The following DGKI variants were observed in gnomAD, a reference collection of about 807,000 sequenced individuals.
DGKI encodes the protein diacylglycerol kinase iota, also known as DAG kinase iota.
A neutral mutation model predicts 147.5 loss-of-function variants in DGKI; 55 were observed. That is an observed-to-expected ratio of 0.37 (90% CI 0.30 to 0.47). DGKI has a LOEUF of 0.47. Ranked by LOEUF, DGKI falls within the 20% of genes least tolerant of loss-of-function variation. The probability of loss-of-function intolerance (pLI) is 1.00; values close to 1 mark genes in which losing one functional copy is unlikely to be tolerated. For missense variants in DGKI, 1,007 were observed against 1,323.8 expected (o/e 0.76, Z 3.71); for synonymous variants, 469 against 477.1 (o/e 0.98, Z 0.22).
At chr7:137,595,047 C>T (rs549671489) in intron 12 of DGKI, among the ~76,000 whole-genome samples, 3 of 152,214 alleles carry the variant, frequency 2.0e-5, no homozygotes, top group African/African-American at 7.2e-5. Flanking sequence ...ATGACTAGTA[C>T]ATTTGTGAAT....
At chr7:137,730,778 G>A (rs541767956) in intron 1 of DGKI, among the ~76,000 whole-genome samples, 19 of 152,068 alleles carry the variant, frequency 1.2e-4, no homozygotes, top group African/African-American at 3.9e-4. Context: ...CACTCCCCAC[G>A]TTAAAAATCC....
intron 27 of DGKI, among the ~76,000 whole-genome samples, chr7:137,446,210 T>G (rs1241033585): frequency 6.6e-6 from 1 of 152,246 alleles, no homozygotes; most frequent in Non-Finnish European, 1.5e-5. Context: ...ATATTAAATC[T>G]GAAAAATTCC....
intron 2 of DGKI, among the ~76,000 whole-genome samples, chr7:137,684,244 T>C (rs976820501): frequency 2.0e-5 from 3 of 152,358 alleles, no homozygotes; most frequent in African/African-American, 4.8e-5. Flanking sequence ...TAGCACTAAC[T>C]GAGATGTGCT....
At chr7:137,475,260 G>A (rs1815130135) in intron 23 of DGKI, among the ~76,000 whole-genome samples, 1 of 152,170 alleles carries the variant, frequency 6.6e-6, no homozygotes, top group Non-Finnish European at 1.5e-5. Context: ...ACACAAAACA[G>A]AGTGGCTTTA....
chr7:137,451,767 T>A (rs79355238), intron 27 of DGKI, among the ~76,000 whole-genome samples: 4,729 of 152,328 alleles, frequency 0.031, 285 homozygotes, highest in African/African-American at 0.11. Context: ...TGATCAAAAC[T>A]TACAAGCTGA....
chr7:137,714,056 C>T (rs1437068518), intron 1 of DGKI, among the ~76,000 whole-genome samples: 1 of 152,218 alleles, frequency 6.6e-6, no homozygotes, highest in Non-Finnish European at 1.5e-5. Context: ...TTTATAGGAT[C>T]TCTTACTATC....
intron 1 of DGKI, among the ~76,000 whole-genome samples, chr7:137,746,536 G>T (rs1250920402): frequency 1.3e-5 from 2 of 152,138 alleles, no homozygotes; most frequent in East Asian, 3.9e-4. Context: ...CATCCTGGGA[G>T]GAAGTAATCC....
rs1305998693 is a variant in DGKI, at chr7:137,390,117, A to T, written c.*1103T>A. On this transcript the variant is annotated 3_prime_UTR_variant, in exon 33 of 33. Transcript: ENST00000614521. Reference sequence around the variant, plus strand: ...CTATAGTTATTAGCCTCTGTGCAACATTCCAATGACTGTTTCCTATTTCAG... The same window carrying T: ...CTATAGTTATTAGCCTCTGTGCAACTTTCCAATGACTGTTTCCTATTTCAG... 1 of 152,180 alleles carries T rather than the reference A, an allele frequency of 6.6e-6. No homozygotes were observed. The highest frequency in any genetic ancestry group is 2.4e-5 in the African/African-American group (1 of 41,444). 9.4% of individuals were successfully genotyped at this position (152,180 alleles called of 1,614,324 possible). A position where few individuals can be genotyped will look rare whatever the true frequency, so the allele number is the denominator to read the frequency against.
chr7:137,701,842 A>G (rs968917579), intron 1 of DGKI, among the ~76,000 whole-genome samples: 1 of 152,176 alleles, frequency 6.6e-6, no homozygotes, highest in Non-Finnish European at 1.5e-5. Context: ...TAAAAAAAAC[A>G]TAAAATAGCC....
rs1811071870 is a variant in DGKI at position 137,381,976 on chromosome 7, G to A, written c.*9244C>T. On this transcript the variant is annotated 3_prime_UTR_variant, in exon 33 of 33. Coordinates refer to ENST00000614521, the MANE Select transcript of DGKI (RefSeq NM_001321708.2). Reference sequence around the variant, plus strand: ...TTAGAGTCTCAATCCAACCAATGATGGGTGGGGAGAGTGGCGAATAAAAAT... The same window carrying A: ...TTAGAGTCTCAATCCAACCAATGATAGGTGGGGAGAGTGGCGAATAAAAAT... 6.6e-6 allele frequency: 1 copy of A among 152,050 alleles called. No individual in the cohort carries two copies. The highest frequency in any genetic ancestry group is 2.1e-4 in the South Asian group (1 of 4,830). 9.4% of individuals were successfully genotyped at this position (152,050 alleles called of 1,614,324 possible). A position where few individuals can be genotyped will look rare whatever the true frequency, so the allele number is the denominator to read the frequency against.
rs78041873 is a variant in DGKI, at chr7:137,627,813, C to T, written c.805-4259G>A. Among the ~76,000 whole-genome samples, 20 of 152,290 alleles carry T rather than the reference C, an allele frequency of 1.3e-4. No individual in the cohort carries two copies. In the East Asian group the frequency reaches 1.9e-3, roughly 15 times the overall value. On this transcript the variant is annotated intron_variant, in intron 6 of 32. Coordinates refer to ENST00000614521, the MANE Select transcript of DGKI (RefSeq NM_001321708.2). ...GCATGAAACAAAAGCTGAGGAGAGA[C>T]GGCAAAGCTCAGAACCATTCTTGGA...
At chr7:137,761,311 T>TA (rs1795849342) in intron 1 of DGKI, among the ~76,000 whole-genome samples, 2 of 152,228 alleles carry the variant, frequency 1.3e-5, no homozygotes, top group Non-Finnish European at 2.9e-5. Flanking sequence ...TTCATTTATG[T>TA]TCAAATCTTG....
chr7:137,543,609 A>G (rs1817771245), intron 20 of DGKI, among the ~76,000 whole-genome samples: 1 of 152,194 alleles, frequency 6.6e-6, no homozygotes, highest in Non-Finnish European at 1.5e-5. Flanking sequence ...CAGCATAAAG[A>G]GAGGGTTCAC....
rs556008119 is a variant in DGKI, at chr7:137,627,033, G to A, written c.805-3479C>T. Among the ~76,000 whole-genome samples the A allele has an allele frequency of 4.6e-5, 7 of 152,154 alleles. No individual in the cohort carries two copies. In the East Asian group the frequency reaches 7.7e-4, roughly 17 times the overall value. On this transcript the variant is annotated intron_variant, in intron 6 of 32. Coordinates refer to ENST00000614521, the MANE Select transcript of DGKI (RefSeq NM_001321708.2). The stretch of plus-strand genomic sequence containing the variant: ...TCCTTTGCATTATAAATTCCTGTCC[G>A]CAGTGAGACAGGTCTACTCATATCC...
chr7:137,677,465 C>G (rs1255584889), intron 3 of DGKI, among the ~76,000 whole-genome samples: 1 of 152,092 alleles, frequency 6.6e-6, no homozygotes, highest in Non-Finnish European at 1.5e-5. Flanking sequence ...CCTGTTCTCC[C>G]CAGAACTCTC....
chr7:137,668,946 G>A (rs1315058221), intron 3 of DGKI, among the ~76,000 whole-genome samples: 2 of 152,214 alleles, frequency 1.3e-5, no homozygotes, highest in African/African-American at 4.8e-5. Flanking sequence ...TATTTATTGA[G>A]TGCCTGTGAT....
At chr7:137,483,427 AC>A (rs760189333) in intron 23 of DGKI, among the ~76,000 whole-genome samples, 2 of 152,048 alleles carry the variant, frequency 1.3e-5, no homozygotes, top group Non-Finnish European at 2.9e-5. Context: ...CTTTAAAAGG[AC>A]TATGCTTTTT....
rs6976136 is a variant in DGKI at position 137,657,645 on chromosome 7, T to C, written c.607-1105A>G. 4.6e-3 allele frequency among the ~76,000 whole-genome samples: 695 copies of C among 152,328 alleles called. 8 individuals are homozygous for C. Among genetic ancestry groups the C allele is most frequent in the African/African-American group, 0.016 (645 of 41,582 alleles). On this transcript the variant is annotated intron_variant, in intron 3 of 32. Coordinates refer to ENST00000614521, the MANE Select transcript of DGKI (RefSeq NM_001321708.2). ...CTAAGCCTGTCTGTCAGATGGGCTA[T>C]CAAAGCATCCAAGTGTGAAAGGTCC...
At chr7:137,798,731 C>T (rs754998309) in intron 1 of DGKI, among the ~76,000 whole-genome samples, 2 of 152,090 alleles carry the variant, frequency 1.3e-5, no homozygotes, top group African/African-American at 2.4e-5. Flanking sequence ...CTTTTAAATA[C>T]ATCAATGCAA....
Sources: allele counts gnomAD v4.1 joint callset (sites outside exome capture counted in the v4.1 genomes callset), GRCh38; gene constraint gnomAD v4.1.1; transcripts MANE v1.5; gene names NCBI Gene and HGNC (gene_info 2026-07-23, HGNC 2026-07-21).